Variants in MAN1A2 observed in about 807,000 individuals in gnomAD.
MAN1A2 encodes the protein mannosyl-oligosaccharide 1,2-alpha-mannosidase IB.
Under a neutral mutation model 75.7 loss-of-function variants are expected in MAN1A2, and 26 were observed. The observed-to-expected ratio is 0.34, with a 90% CI of 0.25 to 0.48. The LOEUF (loss-of-function observed/expected upper bound fraction) is 0.48, where lower values mean the gene tolerates loss of function less well. Among genes scored for constraint, MAN1A2 ranks in the 20% least tolerant of loss-of-function variants. The pLI is 0.99. For missense variants in MAN1A2, 562 were observed against 775.5 expected, an observed-to-expected ratio of 0.72 and a Z score of 3.27; for synonymous variants, 247 against 264.6, an observed-to-expected ratio of 0.93 and a Z score of 0.65.
At chr1:117,392,824 TG>T (rs1277370314) in intron 1 of MAN1A2, among the ~76,000 whole-genome samples, 1 of 152,196 alleles carries the variant, frequency 6.6e-6, no homozygotes, top group Non-Finnish European at 1.5e-5. Flanking sequence ...ATTATTAAAG[TG>T]GGAGTGCTAA....
intron 11 of MAN1A2, among the ~76,000 whole-genome samples, chr1:117,501,164 T>C (rs1023764650): frequency 2.6e-5 from 4 of 151,850 alleles, no homozygotes; most frequent in African/African-American, 7.2e-5. Flanking sequence ...GGTCAAACTT[T>C]AGCCCATGTC....
intron 5 of MAN1A2, among the ~76,000 whole-genome samples, chr1:117,441,634 T>G (rs993703048): frequency 1.3e-5 from 2 of 152,186 alleles, no homozygotes; most frequent in African/African-American, 4.8e-5. Context: ...GTAGAAATTT[T>G]ACTATCTATA....
At position 117,523,020 on chromosome 1, in the gene MAN1A2, GT is replaced by G. The variant is rs1257077920; in HGVS notation, c.*66del. The G allele has an allele frequency of 5.7e-6, 9 of 1,588,304 alleles. No individual in the cohort carries two copies. Among genetic ancestry groups the G allele is most frequent in the Non-Finnish European group, 4.3e-6 (5 of 1,164,340 alleles). On this transcript the variant is annotated 3_prime_UTR_variant, in exon 13 of 13. Transcript: ENST00000356554. The stretch of plus-strand genomic sequence containing the variant: ...TTTACATGGACCACTACAGAAATTA[GT>G]TTGAAGGGGCGGCTTTTGAAAACCT...
intron 3 of MAN1A2, among the ~76,000 whole-genome samples, chr1:117,408,146 G>A (rs1359818836): frequency 6.6e-6 from 1 of 152,132 alleles, no homozygotes; most frequent in Non-Finnish European, 1.5e-5. Flanking sequence ...ATGGCTGGGT[G>A]CAGTGGCACA....
At chr1:117,489,407 C>T (rs1164783696) in intron 8 of MAN1A2, among the ~76,000 whole-genome samples, 3 of 152,034 alleles carry the variant, frequency 2.0e-5, no homozygotes, top group African/African-American at 7.2e-5. Flanking sequence ...TGGAATCTCA[C>T]TGTTTTAATT....
chr1:117,461,658 C>T (rs1019701003), intron 7 of MAN1A2, among the ~76,000 whole-genome samples: 3 of 152,002 alleles, frequency 2.0e-5, no homozygotes, highest in Non-Finnish European at 4.4e-5. Flanking sequence ...ATATGTATAA[C>T]TCTTTATATC....
chr1:117,477,032 C>G (rs1316762639), intron 8 of MAN1A2, among the ~76,000 whole-genome samples: 1 of 151,788 alleles, frequency 6.6e-6, no homozygotes, highest in Non-Finnish European at 1.5e-5. Flanking sequence ...TTCTTATTTC[C>G]TTGAGCAGTG....
At chr1:117,385,112 G>C (rs1441321252) in intron 1 of MAN1A2, among the ~76,000 whole-genome samples, 2 of 152,146 alleles carry the variant, frequency 1.3e-5, no homozygotes, top group African/African-American at 2.4e-5. Context: ...TGTAGAATTA[G>C]AATTGAATAG....
intron 5 of MAN1A2, among the ~76,000 whole-genome samples, chr1:117,428,514 A>G (rs1382367899): frequency 6.6e-6 from 1 of 152,170 alleles, no homozygotes; most frequent in Non-Finnish European, 1.5e-5. Flanking sequence ...AATATCATAC[A>G]CCTATATCCA....
chr1:117,434,846 A>G (rs1648800186), intron 5 of MAN1A2, among the ~76,000 whole-genome samples: 1 of 151,040 alleles, frequency 6.6e-6, no homozygotes, highest in Non-Finnish European at 1.5e-5. Flanking sequence ...AAATAATGGC[A>G]CCTTGGACTA....
Position 117,526,880 on chromosome 1 carries a change from C to CTCTCTCTATATATATATATATATATATA in MAN1A2, c.*3924_*3925insCTCTCTATATATATATATATATATATAT. 1.1e-4 allele frequency: 6 copies of CTCTCTCTATATATATATATATATATATA among 54,518 alleles called. No individual in the cohort carries two copies. Among genetic ancestry groups the CTCTCTCTATATATATATATATATATATA allele is most frequent in the Non-Finnish European group, 2.1e-4 (6 of 29,160 alleles). The allele number at this position is 54,518 out of a possible 1,614,324, so 3.4% of individuals were successfully genotyped here. On this transcript the variant is annotated 3_prime_UTR_variant, in exon 13 of 13. Coordinates refer to ENST00000356554, the MANE Select transcript of MAN1A2 (RefSeq NM_006699.5). ...TCTCTCTCTCTCTCTCTCTCTCTCTCTATATATATATATATATATATATAT... is the reference window on the plus strand; with the variant it reads ...TCTCTCTCTCTCTCTCTCTCTCTCTCTCTCTCTATATATATATATATATATATATATATATATATATATATATATATAT...
Position 117,368,077 on chromosome 1 carries a change from A to G in MAN1A2, c.-107A>G, listed in dbSNP as rs1652828205. 1.8e-6 allele frequency: 2 copies of G among 1,113,186 alleles called. No homozygotes were observed. The highest frequency in any genetic ancestry group is 4.7e-5 in the East Asian group (2 of 42,324). The allele number at this position is 1,113,186 out of a possible 1,614,324, so 69.0% of individuals were successfully genotyped here. A position where few individuals can be genotyped will look rare whatever the true frequency, so the allele number is the denominator to read the frequency against. On this transcript the variant is annotated 5_prime_UTR_variant, in exon 1 of 13. Transcript: ENST00000356554. ...GCACAACAGTCCTTTAAGAGGAGCA[A>G]AATTGAGTTTTCCCATTTTGGCCAA...
At chr1:117,445,840 T>TG (rs1649206999) in intron 6 of MAN1A2, among the ~76,000 whole-genome samples, 1 of 79,934 alleles carries the variant, frequency 1.3e-5, no homozygotes, top group African/African-American at 5.0e-5. Flanking sequence ...ATTTTCATAT[T>TG]TGTGTGTGTG....
intron 1 of MAN1A2, among the ~76,000 whole-genome samples, chr1:117,383,392 A>G (rs1004380161): frequency 7.2e-5 from 11 of 152,126 alleles, no homozygotes; most frequent in African/African-American, 2.7e-4. Context: ...TTGCATCACT[A>G]TTTATAAGGG....
At chr1:117,443,434 C>T (rs942440561) in intron 6 of MAN1A2, among the ~76,000 whole-genome samples, 1 of 152,112 alleles carries the variant, frequency 6.6e-6, no homozygotes, top group East Asian at 1.9e-4. Flanking sequence ...CGCTTGTTCT[C>T]GTTCCTTAGT....
chr1:117,492,808 A>T (rs1650922769), intron 8 of MAN1A2, among the ~76,000 whole-genome samples: 1 of 152,056 alleles, frequency 6.6e-6, no homozygotes, highest in Non-Finnish European at 1.5e-5. Context: ...TAACTTATTT[A>T]TTTAAAGCTA....
chr1:117,448,469 T>TA (rs1175591076), intron 6 of MAN1A2, among the ~76,000 whole-genome samples: 1 of 152,138 alleles, frequency 6.6e-6, no homozygotes, highest in African/African-American at 2.4e-5. Flanking sequence ...ATAGCTATTG[T>TA]AAGTGTGCTT....
At chr1:117,416,309 G>A (rs1387185547) in intron 4 of MAN1A2, among the ~76,000 whole-genome samples, 1 of 151,952 alleles carries the variant, frequency 6.6e-6, no homozygotes, top group African/African-American at 2.4e-5. Context: ...TTTATAAGAA[G>A]CTTGATGTCT....
chr1:117,373,149 G>GTT (rs59450083), intron 1 of MAN1A2, among the ~76,000 whole-genome samples: 48 of 147,540 alleles, frequency 3.3e-4, no homozygotes, highest in African/African-American at 1.1e-3. Context: ...TATGATTCGT[G>GTT]TTTTTTTTTT....
Sources: gnomAD v4.1 joint callset for allele counts (sites outside exome capture counted in the v4.1 genomes callset) on GRCh38, gnomAD v4.1.1 for gene constraint, MANE v1.5 for transcripts, NCBI Gene and HGNC (gene_info 2026-07-23, HGNC 2026-07-21) for gene names.